Variants in PDE9A observed in about 807,000 individuals in gnomAD.
PDE9A encodes the protein high affinity cGMP-specific 3',5'-cyclic phosphodiesterase 9A.
A neutral mutation model predicts 87.4 loss-of-function variants in PDE9A; 60 were observed. The ratio of observed to expected loss-of-function variants is 0.69; its 90% CI spans 0.56 to 0.85. The LOEUF is 0.85. PDE9A is among the 40% of genes least tolerant of loss of function. PDE9A has a pLI of 0.00. For synonymous variants in PDE9A, 272 were observed against 279.4 expected (o/e 0.97, Z 0.27); for missense variants, 665 against 779.0 (o/e 0.85, Z 1.74).
At chr21:42,740,511 C>A (rs372508777) in intron 7 of PDE9A, among the ~76,000 whole-genome samples, 3 of 147,938 alleles carry the variant, frequency 2.0e-5, no homozygotes, top group Non-Finnish European at 3.0e-5. Flanking sequence ...AGAGATAGAA[C>A]GGATAGAAAA....
intron 1 of PDE9A, among the ~76,000 whole-genome samples, chr21:42,665,658 C>A (rs55789016): frequency 0.02 from 2,979 of 152,306 alleles, 98 homozygotes; most frequent in African/African-American, 0.068. Context: ...TCCTAGGAAG[C>A]CGGATGTGTC....
intron 7 of PDE9A, chr21:42,741,246 C>T (rs531344034): frequency 2.6e-5 from 4 of 152,376 alleles, no homozygotes; most frequent in Admixed American, 1.3e-4. Context: ...AGGAGCACCG[C>T]TGGAGGCCAC....
In PDE9A at chr21:42,729,481, T is replaced by C. The variant is rs559394453; in HGVS notation, c.263-2289T>C. ...TTCTGCATTGTTTTTCTGTTTTCTG[T>C]TACCGGGATTTCTATTCCCCTATCT... On this transcript the variant is annotated intron_variant, in intron 4 of 19. Coordinates refer to ENST00000291539, the MANE Select transcript of PDE9A (RefSeq NM_002606.3). Among the ~76,000 whole-genome samples the C allele has an allele frequency of 1.3e-5, 2 of 152,348 alleles. 1 individual carries two copies. The highest frequency in any genetic ancestry group is 4.1e-4 in the South Asian group (2 of 4,828).
At chr21:42,709,215 C>T (rs62215406) in intron 4 of PDE9A, among the ~76,000 whole-genome samples, 16,691 of 152,182 alleles carry the variant, frequency 0.11, 1,154 homozygotes, top group East Asian at 0.34. Context: ...GAAAACCAAA[C>T]ACCACATGTT....
At chr21:42,770,504 C>T (rs2056932778) in intron 17 of PDE9A, among the ~76,000 whole-genome samples, 199 bp from the exon 18 acceptor site, 1 of 152,168 alleles carries the variant, frequency 6.6e-6, no homozygotes, top group South Asian at 2.1e-4. Flanking sequence ...AGGGGACTTT[C>T]TGTAGGACCT....
In PDE9A at chr21:42,762,087, C is replaced by G. The variant is rs758992018; in HGVS notation, c.1090C>G (p.Gln364Glu). The part of the protein sequence containing the change: ...LDHPGYNNTY[Q>E]INARTELAVR... ...CACTCTCTCCTTGCCTCCCAGGTAC[C>G]AGATCAATGCCCGCACAGAGCTGGC... The change falls in exon 14 of 20, where the codon CAG becomes GAG. Residue 364 changes from glutamine to glutamate, a missense_variant. Coordinates refer to ENST00000291539, the MANE Select transcript of PDE9A (RefSeq NM_002606.3). 1 of 1,613,330 alleles carries G rather than the reference C, an allele frequency of 6.2e-7. No homozygotes were observed. The highest frequency in any genetic ancestry group is 8.5e-7 in the Non-Finnish European group (1 of 1,179,598).
In PDE9A at chr21:42,760,286, G is replaced by A. The variant is rs766783168; in HGVS notation, c.898-42G>A. On this transcript the variant is annotated intron_variant, in intron 11 of 19. Transcript: ENST00000291539. This position sits in a 1 kb window ranked among gnomAD's most constrained non-coding sequence, Gnocchi z 5.2. ...GGTGGCTTTGGGAGGAGAGGTGGGCGGGCCCAGGCACAGGGTGACTCGGAC... is the reference window on the plus strand; with the variant it reads ...GGTGGCTTTGGGAGGAGAGGTGGGCAGGCCCAGGCACAGGGTGACTCGGAC... 6 of 1,204,384 alleles carry A rather than the reference G, an allele frequency of 5.0e-6. No individual in the cohort carries two copies. The highest frequency in any genetic ancestry group is 2.3e-5 in the East Asian group (1 of 42,700). The allele number at this position is 1,204,384 out of a possible 1,614,324, so 74.6% of individuals were successfully genotyped here. A position where few individuals can be genotyped will look rare whatever the true frequency, so the allele number is the denominator to read the frequency against.
At chr21:42,752,705 C>G (rs1569248127) in intron 9 of PDE9A, among the ~76,000 whole-genome samples, 1 of 152,216 alleles carries the variant, frequency 6.6e-6, no homozygotes, top group East Asian at 1.9e-4. Context: ...GATCTGTCCC[C>G]TTACAAAAAA....
intron 1 of PDE9A, among the ~76,000 whole-genome samples, chr21:42,679,586 C>T (rs1274659895): frequency 1.3e-5 from 2 of 152,156 alleles, no homozygotes; most frequent in Middle Eastern, 3.2e-3. Flanking sequence ...TCCGACCCAG[C>T]CTCACCCTGC....
At chr21:42,772,542 TG>T in intron 19 of PDE9A, 22 bp downstream of exon 19, 1 of 1,507,564 alleles carries the variant, frequency 6.6e-7, no homozygotes, top group Non-Finnish European at 9.1e-7. Flanking sequence ...TCTGCTGAAG[TG>T]GCATCTCAGC....
intron 1 of PDE9A, among the ~76,000 whole-genome samples, chr21:42,666,147 GA>G (rs1050923783): frequency 2.6e-5 from 4 of 152,170 alleles, no homozygotes; most frequent in African/African-American, 9.7e-5. Flanking sequence ...CCACAACCGA[GA>G]GGGCGTGGTC....
At position 42,760,435 on chromosome 21, in the gene PDE9A, G is replaced by A. The variant is rs1320436391; in HGVS notation, c.1002+3G>A. 1 of 1,562,784 alleles carries A rather than the reference G, an allele frequency of 6.4e-7. No homozygotes were observed. The highest frequency in any genetic ancestry group is 1.3e-5 in the African/African-American group (1 of 74,196). On this transcript the variant is annotated splice_donor_region_variant and intron_variant, in intron 12 of 19. Coordinates refer to ENST00000291539, the MANE Select transcript of PDE9A (RefSeq NM_002606.3). The surrounding 1 kb of genome is among the most constrained non-coding windows in gnomAD (Gnocchi z 5.2). ...TGGTCTGGCTCTGCAGTCTCCAGGT[G>A]GGTCCTGCCCGCTGCACACCCAGAC...
At chr21:42,658,767 A>G (rs1014602687) in intron 1 of PDE9A, among the ~76,000 whole-genome samples, 2 of 152,270 alleles carry the variant, frequency 1.3e-5, no homozygotes, top group African/African-American at 4.8e-5. Context: ...TGCCTGTTAC[A>G]TGTTTGTAAC....
At chr21:42,684,166 C>A (rs1016121861) in intron 1 of PDE9A, among the ~76,000 whole-genome samples, 6 of 152,264 alleles carry the variant, frequency 3.9e-5, no homozygotes, top group African/African-American at 1.4e-4. Context: ...AGACACCAAC[C>A]TCCTCAGCAA....
chr21:42,761,755 C>T (rs1338089251), intron 13 of PDE9A, among the ~76,000 whole-genome samples: 2 of 152,216 alleles, frequency 1.3e-5, no homozygotes, highest in African/African-American at 2.4e-5. Context: ...ACCTCAGCCT[C>T]GTTCTGCCCA....
At chr21:42,716,387 C>T (rs1364454217) in intron 4 of PDE9A, among the ~76,000 whole-genome samples, 1 of 151,872 alleles carries the variant, frequency 6.6e-6, no homozygotes, top group Non-Finnish European at 1.5e-5. Context: ...CACATCCTCC[C>T]CAGCTTTTGT....
At chr21:42,666,569 G>A (rs2058008893) in intron 1 of PDE9A, among the ~76,000 whole-genome samples, 1 of 152,122 alleles carries the variant, frequency 6.6e-6, no homozygotes, top group African/African-American at 2.4e-5. Context: ...CAAGGCCCTC[G>A]CGGTCTGAAG....
intron 9 of PDE9A, among the ~76,000 whole-genome samples, chr21:42,752,311 A>G (rs956653851): frequency 6.6e-6 from 1 of 151,018 alleles, no homozygotes. Flanking sequence ...TCACTCTGTC[A>G]CCCAGGCTGG....
At chr21:42,733,228 C>T in intron 6 of PDE9A, 128 bp from the exon 7 acceptor site, 1 of 647,550 alleles carries the variant, frequency 1.5e-6, no homozygotes, top group Non-Finnish European at 2.8e-6. Context: ...CACCTCAGAC[C>T]CTCACCAGCC....
Sources: gnomAD v4.1 joint callset for allele counts (sites outside exome capture counted in the v4.1 genomes callset) on GRCh38, gnomAD v4.1.1 for gene constraint, Gnocchi (gnomAD v3.1) non-coding constraint, MANE v1.5 for transcripts, NCBI Gene and HGNC (gene_info 2026-07-23, HGNC 2026-07-21) for gene names.